NELL1: variants seen among roughly 807,000 people sequenced by gnomAD.
The protein encoded by NELL1 is protein kinase C-binding protein NELL1.
A neutral mutation model predicts 107.4 loss-of-function variants in NELL1; 76 were observed. The observed-to-expected ratio is 0.71, with a 90% CI of 0.59 to 0.86. The LOEUF (loss-of-function observed/expected upper bound fraction) is 0.86. NELL1 is among the 40% of genes least tolerant of loss of function. The pLI, the probability that NELL1 is intolerant of heterozygous loss-of-function variation, is 0.00. For missense variants in NELL1, 1,024 were observed against 1,005.5 expected, an observed-to-expected ratio of 1.02 and a Z score of -0.25; for synonymous variants, 353 against 341.2, an observed-to-expected ratio of 1.03 and a Z score of -0.38.
At chr11:20,981,908 C>G (rs1851757159) in intron 12 of NELL1, among the ~76,000 whole-genome samples, 1 of 152,132 alleles carries the variant, frequency 6.6e-6, no homozygotes, top group African/African-American at 2.4e-5. Context: ...ATTCAGGGCT[C>G]AAACAATGTC....
chr11:21,536,299 T>A (rs189235643), intron 16 of NELL1, among the ~76,000 whole-genome samples: 343 of 152,262 alleles, frequency 2.3e-3, no homozygotes, highest in Non-Finnish European at 3.6e-3. Flanking sequence ...CTTTTGTTCC[T>A]ATCTTTGTGT....
intron 12 of NELL1, among the ~76,000 whole-genome samples, chr11:21,099,215 AC>A: frequency 7.0e-6 from 1 of 141,928 alleles, no homozygotes; most frequent in African/African-American, 2.6e-5. Context: ...ACACACACAC[AC>A]ACACACACAC....
chr11:21,407,050 G>A (rs904154848), intron 15 of NELL1, among the ~76,000 whole-genome samples: 3 of 152,014 alleles, frequency 2.0e-5, no homozygotes, highest in African/African-American at 4.8e-5. Context: ...GAGAATTTGA[G>A]TGAAGCTGTA....
chr11:20,742,708 C>T (rs1370156985), intron 2 of NELL1, among the ~76,000 whole-genome samples: 2 of 152,090 alleles, frequency 1.3e-5, no homozygotes, highest in Non-Finnish European at 2.9e-5. Flanking sequence ...GGGAAAGACC[C>T]ACCCCCGTGA....
At chr11:20,698,784 C>T (rs1251308617) in intron 2 of NELL1, among the ~76,000 whole-genome samples, 1 of 152,036 alleles carries the variant, frequency 6.6e-6, no homozygotes, top group African/African-American at 2.4e-5. Context: ...CTTTTTAATC[C>T]CTCACCCCAT....
At chr11:20,859,204 G>A (rs539675413) in intron 4 of NELL1, among the ~76,000 whole-genome samples, 6 of 152,318 alleles carry the variant, frequency 3.9e-5, no homozygotes, top group Non-Finnish European at 5.9e-5. Flanking sequence ...CAGCTTCCGT[G>A]AAGAACTGGA....
intron 15 of NELL1, among the ~76,000 whole-genome samples, chr11:21,490,560 C>T (rs1252324661): frequency 6.6e-6 from 1 of 150,572 alleles, no homozygotes; most frequent in Admixed American, 6.6e-5. Flanking sequence ...TATTACAAGG[C>T]TATAGTAACC....
chr11:20,792,974 A>G (rs117950915), intron 3 of NELL1, among the ~76,000 whole-genome samples: 2,389 of 152,104 alleles, frequency 0.016, 36 homozygotes, highest in Middle Eastern at 0.031. Flanking sequence ...TATACATTGT[A>G]TCTTTTCTAC....
intron 14 of NELL1, among the ~76,000 whole-genome samples, chr11:21,244,725 A>G (rs1174019475): frequency 6.6e-6 from 1 of 152,124 alleles, no homozygotes; most frequent in Non-Finnish European, 1.5e-5. Context: ...GATACTCTCA[A>G]ATTCATCTAG....
intron 2 of NELL1, among the ~76,000 whole-genome samples, chr11:20,693,919 A>C (rs1055409901): frequency 3.9e-5 from 6 of 152,150 alleles, no homozygotes; most frequent in Non-Finnish European, 7.4e-5. Flanking sequence ...ACTTTCAGGT[A>C]CACCAATCAG....
At chr11:21,348,363 C>A (rs1194417602) in intron 14 of NELL1, among the ~76,000 whole-genome samples, 1 of 151,978 alleles carries the variant, frequency 6.6e-6, no homozygotes. Context: ...TGTACCGGAC[C>A]CTGTGCTGAG....
intron 3 of NELL1, among the ~76,000 whole-genome samples, chr11:20,845,309 C>T (rs1204825001): frequency 2.0e-5 from 3 of 152,188 alleles, no homozygotes; most frequent in African/African-American, 7.2e-5. Context: ...ATAAAGTGAT[C>T]TTTAAGAGAT....
intron 12 of NELL1, among the ~76,000 whole-genome samples, chr11:20,997,493 T>C (rs918890444): frequency 2.6e-5 from 4 of 152,138 alleles, no homozygotes; most frequent in African/African-American, 9.7e-5. Context: ...AAAAAATCTG[T>C]GGAATATGAA....
At chr11:20,998,689 C>T (rs1462668143) in intron 12 of NELL1, among the ~76,000 whole-genome samples, 2 of 152,164 alleles carry the variant, frequency 1.3e-5, no homozygotes, top group Admixed American at 6.5e-5. Context: ...AGGAAAACAT[C>T]GGCTGTCTTC....
intron 15 of NELL1, among the ~76,000 whole-genome samples, chr11:21,444,347 T>A (rs1226348788): frequency 6.6e-6 from 1 of 152,146 alleles, no homozygotes; most frequent in Non-Finnish European, 1.5e-5. Flanking sequence ...TATTCTCAGG[T>A]ACAATTTCTG....
At chr11:21,434,779 T>A (rs1210582597) in intron 15 of NELL1, among the ~76,000 whole-genome samples, 1 of 152,174 alleles carries the variant, frequency 6.6e-6, no homozygotes, top group African/African-American at 2.4e-5. Context: ...AATTTGTAGA[T>A]TGCTTTCTGA....
intron 15 of NELL1, among the ~76,000 whole-genome samples, 174 bp downstream of exon 15, chr11:21,371,122 T>G (rs1851351022): frequency 6.6e-6 from 1 of 152,092 alleles, no homozygotes; most frequent in Admixed American, 6.6e-5. Flanking sequence ...CCTCCCACTC[T>G]CTGAAAATAG....
intron 3 of NELL1, among the ~76,000 whole-genome samples, chr11:20,831,947 G>T (rs1293110722): frequency 6.6e-6 from 1 of 152,204 alleles, no homozygotes; most frequent in African/African-American, 2.4e-5. Context: ...GAATTCACCT[G>T]ATCCAGGTGT....
intron 12 of NELL1, among the ~76,000 whole-genome samples, chr11:21,090,945 A>G (rs1854506608): frequency 6.6e-6 from 1 of 152,264 alleles, no homozygotes; most frequent in Admixed American, 6.5e-5. Context: ...TGTGCTAAGC[A>G]TAAGAGCCTA....
Sources: gnomAD v4.1 joint callset for allele counts (sites outside exome capture counted in the v4.1 genomes callset) on GRCh38, gnomAD v4.1.1 for gene constraint, MANE v1.5 for transcripts, NCBI Gene and HGNC (gene_info 2026-07-23, HGNC 2026-07-21) for gene names.